Variants in ZNRF2 observed in about 807,000 individuals in gnomAD.
ZNRF2 encodes the protein zinc and ring finger 2, also known as E3 ubiquitin-protein ligase ZNRF2.
In ZNRF2, 16 loss-of-function variants were observed where a neutral mutation model predicts 20.4. That is an observed-to-expected ratio of 0.79 (90% CI 0.53 to 1.19). The LOEUF is 1.19. Among genes scored for constraint, ZNRF2 ranks in the 50% most tolerant of loss-of-function variants. The pLI, the probability that ZNRF2 is intolerant of heterozygous loss-of-function variation, is 0.00. For synonymous variants in ZNRF2, 178 were observed against 144.9 expected, an observed-to-expected ratio of 1.23 and a Z score of -1.64; for missense variants, 363 against 332.4, an observed-to-expected ratio of 1.09 and a Z score of -0.72.
intron 3 of ZNRF2, among the ~76,000 whole-genome samples, chr7:30,361,463 CGG>C (rs1800125580): frequency 6.6e-6 from 1 of 152,096 alleles, no homozygotes; most frequent in Non-Finnish European, 1.5e-5. Flanking sequence ...TGTAGCTTTG[CGG>C]CATATGCAAA....
intron 2 of ZNRF2, among the ~76,000 whole-genome samples, chr7:30,326,130 A>AT (rs1799547182): frequency 6.6e-6 from 1 of 152,100 alleles, no homozygotes; most frequent in Non-Finnish European, 1.5e-5. Flanking sequence ...GTATTGTGAT[A>AT]TTTAACAATT....
chr7:30,318,899 G>A (rs1407880918), intron 1 of ZNRF2, among the ~76,000 whole-genome samples: 1 of 152,054 alleles, frequency 6.6e-6, no homozygotes, highest in African/African-American at 2.4e-5. Context: ...ATCACCTGAG[G>A]TCAGGAGTTC....
chr7:30,326,583 T>A (rs1329951669), intron 2 of ZNRF2, among the ~76,000 whole-genome samples: 2 of 152,248 alleles, frequency 1.3e-5, no homozygotes, highest in South Asian at 4.1e-4. Flanking sequence ...TTGTGAACAG[T>A]GCTGCAGTGA....
At chr7:30,320,805 T>A (rs1171193571) in intron 1 of ZNRF2, among the ~76,000 whole-genome samples, 1 of 152,240 alleles carries the variant, frequency 6.6e-6, no homozygotes, top group Non-Finnish European at 1.5e-5. Context: ...TATTTTAAAT[T>A]CATTATTTGT....
chr7:30,291,117 G>A (rs1473902106), intron 1 of ZNRF2, among the ~76,000 whole-genome samples: 1 of 152,196 alleles, frequency 6.6e-6, no homozygotes, highest in East Asian at 1.9e-4. Context: ...CGGAGAGAGG[G>A]CAGTACAGAC....
At chr7:30,349,266 A>G (rs1310068307) in intron 2 of ZNRF2, among the ~76,000 whole-genome samples, 1 of 152,214 alleles carries the variant, frequency 6.6e-6, no homozygotes, top group African/African-American at 2.4e-5. Flanking sequence ...GACTTGTCCA[A>G]AGCTCAAGCC....
At chr7:30,343,465 T>A (rs1303819242) in intron 2 of ZNRF2, among the ~76,000 whole-genome samples, 2 of 152,182 alleles carry the variant, frequency 1.3e-5, no homozygotes, top group African/African-American at 4.8e-5. Context: ...GTGCTACTAC[T>A]CATGTTTCTG....
At chr7:30,300,569 A>G (rs944983516) in intron 1 of ZNRF2, among the ~76,000 whole-genome samples, 2 of 152,244 alleles carry the variant, frequency 1.3e-5, no homozygotes, top group Admixed American at 6.5e-5. Context: ...TTAATTTTAC[A>G]TTATCTGATT....
intron 1 of ZNRF2, among the ~76,000 whole-genome samples, chr7:30,309,614 T>A (rs553680911): frequency 6.6e-6 from 1 of 152,206 alleles, no homozygotes; most frequent in Non-Finnish European, 1.5e-5. Context: ...AGTCAGTGTT[T>A]ATAGTGAATT....
intron 1 of ZNRF2, among the ~76,000 whole-genome samples, chr7:30,306,405 T>C (rs1292853425): frequency 6.6e-6 from 1 of 152,100 alleles, no homozygotes; most frequent in East Asian, 1.9e-4. Flanking sequence ...AAGCATTACA[T>C]AAAATACTTA....
chr7:30,332,189 C>G (rs1799644194), intron 2 of ZNRF2, among the ~76,000 whole-genome samples: 1 of 152,050 alleles, frequency 6.6e-6, no homozygotes, highest in Admixed American at 6.6e-5. Flanking sequence ...AAAAATGAGA[C>G]TAGAAATAGT....
At chr7:30,305,016 TTATTA>T (rs1273276418) in intron 1 of ZNRF2, among the ~76,000 whole-genome samples, 1 of 152,200 alleles carries the variant, frequency 6.6e-6, no homozygotes, top group Non-Finnish European at 1.5e-5. Flanking sequence ...TGTCCTAGTT[TTATTA>T]TATTTTACTG....
At position 30,285,651 on chromosome 7, in the gene ZNRF2, G is replaced by A. The variant is rs1376506983; in HGVS notation, c.294G>A (p.Gln98=). The change falls in exon 1 of 5, where the codon CAG becomes CAA. Residue 98 remains glutamine, a synonymous_variant. Coordinates refer to ENST00000323037, the MANE Select transcript of ZNRF2 (RefSeq NM_147128.4). ...GSVASGARAA[Q]SPFSIPNSSS... ...TGGCGTCGGGGGCCCGCGCGGCGCAGTCCCCCTTCAGCATCCCGAACAGCA... is the reference window on the plus strand; with the variant it reads ...TGGCGTCGGGGGCCCGCGCGGCGCAATCCCCCTTCAGCATCCCGAACAGCA... The A allele has an allele frequency of 2.9e-6, 4 of 1,365,720 alleles. No individual in the cohort carries two copies. In the African/African-American group the frequency reaches 4.6e-5, roughly 16 times the overall value. 84.6% of individuals were successfully genotyped at this position (1,365,720 alleles called of 1,614,324 possible).
At chr7:30,310,770 G>A (rs1354194179) in intron 1 of ZNRF2, among the ~76,000 whole-genome samples, 1 of 152,092 alleles carries the variant, frequency 6.6e-6, no homozygotes, top group Non-Finnish European at 1.5e-5. Flanking sequence ...TGGCATACAG[G>A]ACTGAATGTG....
chr7:30,342,818 G>A (rs1799817304), intron 2 of ZNRF2, among the ~76,000 whole-genome samples: 8 of 151,868 alleles, frequency 5.3e-5, no homozygotes, highest in Admixed American at 5.2e-4. Flanking sequence ...TTTAGATGAG[G>A]TACTTTGTAT....
intron 1 of ZNRF2, among the ~76,000 whole-genome samples, chr7:30,319,126 A>T (rs892925373): frequency 6.6e-6 from 1 of 151,792 alleles, no homozygotes; most frequent in East Asian, 1.9e-4. Context: ...AAAAAAAAAA[A>T]TGTCGTTTTA....
At chr7:30,340,891 G>T (rs1258028445) in intron 2 of ZNRF2, among the ~76,000 whole-genome samples, 1 of 151,984 alleles carries the variant, frequency 6.6e-6, no homozygotes, top group Non-Finnish European at 1.5e-5. Context: ...TTGGTTGATA[G>T]GCTATTAATT....
At chr7:30,296,710 A>T (rs1799025586) in intron 1 of ZNRF2, among the ~76,000 whole-genome samples, 2 of 152,346 alleles carry the variant, frequency 1.3e-5, no homozygotes, top group African/African-American at 4.8e-5. Flanking sequence ...ACCTTACCGT[A>T]CGCAGAGTTC....
At chr7:30,304,091 A>G (rs1224542478) in intron 1 of ZNRF2, among the ~76,000 whole-genome samples, 1 of 152,190 alleles carries the variant, frequency 6.6e-6, no homozygotes, top group Non-Finnish European at 1.5e-5. Context: ...TTACCTTCGC[A>G]GTGAAGTCAT....
Sources: gnomAD v4.1 joint callset for allele counts (sites outside exome capture counted in the v4.1 genomes callset) on GRCh38, gnomAD v4.1.1 for gene constraint, MANE v1.5 for transcripts, NCBI Gene and HGNC (gene_info 2026-07-23, HGNC 2026-07-21) for gene names.